SLIT3: variants seen among roughly 807,000 people sequenced by gnomAD.
The protein encoded by SLIT3 is slit guidance ligand 3, also known as slit homolog 3 protein.
Under a neutral mutation model 184.0 loss-of-function variants are expected in SLIT3, and 68 were observed. The ratio of observed to expected loss-of-function variants is 0.37; its 90% CI spans 0.30 to 0.45. SLIT3 has a LOEUF of 0.45. SLIT3 is among the 20% of genes least tolerant of loss of function. The pLI is 1.00. For synonymous variants in SLIT3, 831 were observed against 828.6 expected, an observed-to-expected ratio of 1.00 and a Z score of -0.05; for missense variants, 1,707 against 2,026.0, an observed-to-expected ratio of 0.84 and a Z score of 3.02.
intron 30 of SLIT3, 127 bp from the exon 31 acceptor site, chr5:168,686,054 G>T: frequency 9.0e-7 from 1 of 1,111,620 alleles, no homozygotes; most frequent in Non-Finnish European, 1.2e-6. Context: ...TAGTTCTAGG[G>T]GCTAGTTCCA....
At chr5:168,988,170 C>T (rs899059637) in intron 4 of SLIT3, among the ~76,000 whole-genome samples, 1 of 152,208 alleles carries the variant, frequency 6.6e-6, no homozygotes, top group Non-Finnish European at 1.5e-5. Context: ...TTGTCTGAGA[C>T]TTTCTGGGTT....
At chr5:168,757,923 A>G (rs1755010152) in intron 16 of SLIT3, among the ~76,000 whole-genome samples, 1 of 152,230 alleles carries the variant, frequency 6.6e-6, no homozygotes, top group Non-Finnish European at 1.5e-5. Context: ...TGATGAAACT[A>G]AGGCTCAGAA....
chr5:168,919,327 G>A (rs1761553870), intron 4 of SLIT3, among the ~76,000 whole-genome samples: 1 of 151,132 alleles, frequency 6.6e-6, no homozygotes, highest in Non-Finnish European at 1.5e-5. Context: ...CATTGTATTA[G>A]CAGTACTAGA....
chr5:168,916,772 T>C (rs561811574), intron 4 of SLIT3, among the ~76,000 whole-genome samples: 1 of 152,320 alleles, frequency 6.6e-6, no homozygotes, highest in Non-Finnish European at 1.5e-5. Flanking sequence ...ATTTAAAAAA[T>C]AATGTATTTC....
At chr5:168,840,408 C>T (rs574080597) in intron 6 of SLIT3, among the ~76,000 whole-genome samples, 2 of 151,716 alleles carry the variant, frequency 1.3e-5, no homozygotes, top group East Asian at 1.9e-4. Flanking sequence ...TTTTGTTTAA[C>T]TTGTCCCTAC....
intron 4 of SLIT3, among the ~76,000 whole-genome samples, chr5:168,971,485 A>AT (rs1039985145): frequency 5.9e-5 from 9 of 152,098 alleles, no homozygotes; most frequent in African/African-American, 1.7e-4. Flanking sequence ...AATACATCTG[A>AT]TTTTTTTCTT....
intron 4 of SLIT3, among the ~76,000 whole-genome samples, chr5:168,979,883 A>T (rs1754892273): frequency 6.6e-6 from 1 of 152,178 alleles, no homozygotes; most frequent in Non-Finnish European, 1.5e-5. Context: ...GATGAAAGGG[A>T]GGTGCATGTA....
chr5:169,055,267 T>C (rs1757955018), intron 4 of SLIT3, among the ~76,000 whole-genome samples: 1 of 152,190 alleles, frequency 6.6e-6, no homozygotes, highest in Non-Finnish European at 1.5e-5. Context: ...CTTTCTATTG[T>C]AGATTAGAAA....
intron 4 of SLIT3, among the ~76,000 whole-genome samples, chr5:168,900,100 C>T (rs968961389): frequency 2.6e-5 from 4 of 152,168 alleles, no homozygotes; most frequent in African/African-American, 9.7e-5. Flanking sequence ...TATCATACCC[C>T]AGTTAGAATG....
Position 168,772,964 on chromosome 5 carries a change from G to T in SLIT3, c.1296-20C>A. 6.3e-7 allele frequency: 1 copy of T among 1,577,944 alleles called. No homozygotes were observed. Among genetic ancestry groups the T allele is most frequent in the Non-Finnish European group, 8.6e-7 (1 of 1,160,594 alleles). On this transcript the variant is annotated intron_variant, in intron 13 of 35. Transcript: ENST00000519560. Reference sequence around the variant, plus strand: ...AAGTGGCTGCGAGAGGGATGGGGCCGTTAATCAGGAGTGACCCACGGCGTC... The same window carrying T: ...AAGTGGCTGCGAGAGGGATGGGGCCTTTAATCAGGAGTGACCCACGGCGTC...
At position 169,189,527 on chromosome 5, in the gene SLIT3, G is replaced by T. The variant is rs183254529; in HGVS notation, c.413+3952C>A. On this transcript the variant is annotated intron_variant, in intron 4 of 35. Coordinates refer to ENST00000519560, the MANE Select transcript of SLIT3 (RefSeq NM_003062.4). ...ACAGTACTGCTTCTTAGATAGATGGGATATATATATATATATATATATATA... is the reference window on the plus strand; with the variant it reads ...ACAGTACTGCTTCTTAGATAGATGGTATATATATATATATATATATATATA... Among the ~76,000 whole-genome samples the T allele has an allele frequency of 2.7e-4, 22 of 80,304 alleles. 1 individual carries two copies. Among genetic ancestry groups the T allele is most frequent in the East Asian group, 2.6e-3 (10 of 3,920 alleles). The allele number at this position is 80,304 out of a possible 152,430, so 52.7% of individuals were successfully genotyped here.
chr5:168,885,653 A>G (rs573052997), intron 4 of SLIT3, among the ~76,000 whole-genome samples: 1 of 152,276 alleles, frequency 6.6e-6, no homozygotes, highest in South Asian at 2.1e-4. Context: ...GCGGCTCTGG[A>G]AGATGAGCCC....
At chr5:169,299,440 A>G (rs1474240034) in intron 1 of SLIT3, among the ~76,000 whole-genome samples, 3 of 152,022 alleles carry the variant, frequency 2.0e-5, no homozygotes, top group Non-Finnish European at 4.4e-5. Context: ...CCAGGCGCCT[A>G]CCCCTAAGGC....
intron 4 of SLIT3, among the ~76,000 whole-genome samples, chr5:169,034,714 C>G (rs964409625): frequency 4.6e-5 from 7 of 151,786 alleles, no homozygotes; most frequent in Non-Finnish European, 2.9e-5. Context: ...TTCATGGGAC[C>G]CAAGCCTCAG....
At chr5:169,122,807 C>A (rs756242217) in intron 4 of SLIT3, among the ~76,000 whole-genome samples, 1 of 152,164 alleles carries the variant, frequency 6.6e-6, no homozygotes, top group African/African-American at 2.4e-5. Flanking sequence ...CCCAGCCCAT[C>A]CCCATCCCTA....
intron 4 of SLIT3, among the ~76,000 whole-genome samples, chr5:169,105,936 A>T (rs1463484369): frequency 2.6e-5 from 4 of 152,010 alleles, no homozygotes; most frequent in African/African-American, 9.7e-5. Context: ...ATGTATCTTT[A>T]TAATAGAATG....
intron 4 of SLIT3, among the ~76,000 whole-genome samples, chr5:168,923,201 C>T (rs987343005): frequency 1.3e-5 from 2 of 152,248 alleles, no homozygotes; most frequent in African/African-American, 4.8e-5. Context: ...GTTTAACAAA[C>T]CACAGGATGG....
intron 23 of SLIT3, 62 bp downstream of exon 23, chr5:168,722,194 A>G: frequency 6.9e-7 from 1 of 1,455,268 alleles, no homozygotes; most frequent in South Asian, 1.2e-5. Flanking sequence ...GGGAGTGCTT[A>G]GTCTGCTTCC....
chr5:168,945,319 C>T (rs1176475197), intron 4 of SLIT3, among the ~76,000 whole-genome samples: 1 of 151,814 alleles, frequency 6.6e-6, no homozygotes, highest in Non-Finnish European at 1.5e-5. Flanking sequence ...CTCACTGCAA[C>T]CTCCACCTCC....
Sources: allele counts gnomAD v4.1 joint callset (sites outside exome capture counted in the v4.1 genomes callset), GRCh38; gene constraint gnomAD v4.1.1; transcripts MANE v1.5; gene names NCBI Gene and HGNC (gene_info 2026-07-23, HGNC 2026-07-21).